ESRRB: variants seen among roughly 807,000 people sequenced by gnomAD.
ESRRB encodes the protein steroid hormone receptor ERR2.
ESRRB carries 16 observed loss-of-function variants against 46.0 expected under a neutral mutation model. The observed-to-expected ratio is 0.35, with a 90% CI of 0.24 to 0.53. ESRRB has a LOEUF of 0.53. Ranked by LOEUF, ESRRB falls within the 20% of genes least tolerant of loss-of-function variation. The pLI is 0.93. For missense variants in ESRRB, 488 were observed against 607.4 expected (o/e 0.80, Z 2.07); for synonymous variants, 246 against 259.6 (o/e 0.95, Z 0.50).
chr14:76,374,787 G>A (rs1171350781), upstream of ESRRB, among the ~76,000 whole-genome samples: 1 of 152,176 alleles, frequency 6.6e-6, no homozygotes, highest in Non-Finnish European at 1.5e-5. Context: ...TCTGTGAGAT[G>A]CCTTCCTGAG....
intron 2 of ESRRB, among the ~76,000 whole-genome samples, chr14:76,441,571 G>T (rs916956457): frequency 6.6e-6 from 1 of 152,190 alleles, no homozygotes; most frequent in Non-Finnish European, 1.5e-5. Flanking sequence ...GCCCACTTTG[G>T]CCTCCCAAAG....
At chr14:76,471,906 G>T (rs1889387458) in intron 3 of ESRRB, among the ~76,000 whole-genome samples, 2 of 152,210 alleles carry the variant, frequency 1.3e-5, no homozygotes, top group African/African-American at 4.8e-5. Context: ...TCTGGGATCA[G>T]CAGGTAAGAG....
chr14:76,407,543 G>A, intron 1 of ESRRB: 10 of 985,574 alleles, frequency 1.0e-5, no homozygotes, highest in Non-Finnish European at 1.2e-5. Context: ...TTCTGTTTAG[G>A]CCAGAGGTGA....
chr14:76,434,864 C>T (rs1887605748), intron 1 of ESRRB, among the ~76,000 whole-genome samples: 1 of 152,108 alleles, frequency 6.6e-6, no homozygotes, highest in South Asian at 2.1e-4. Flanking sequence ...CAGTCAGGTT[C>T]GGACTGCAGC....
At chr14:76,324,389 G>T (rs1883903227) in intron 1 of ESRRB, among the ~76,000 whole-genome samples, 1 of 152,160 alleles carries the variant, frequency 6.6e-6, no homozygotes, top group African/African-American at 2.4e-5. Flanking sequence ...GAAGGCTGCA[G>T]CTGTTAGCAG....
chr14:76,354,818 T>C (rs573580597), intron 1 of ESRRB, among the ~76,000 whole-genome samples: 9 of 151,188 alleles, frequency 6.0e-5, no homozygotes, highest in Admixed American at 5.3e-4. Flanking sequence ...CAAGAGATTC[T>C]CCTGCCTCAG....
At chr14:76,310,914 C>T (rs72729677) in exon 1 of ESRRB, 52,007 of 453,296 alleles carry the variant, frequency 0.11, 3,598 homozygotes, top group East Asian at 0.22. Context: ...CAGCCCCAAG[C>T]ATGTGAGTAA....
intron 1 of ESRRB, among the ~76,000 whole-genome samples, chr14:76,403,054 G>C (rs1437801806): frequency 6.6e-6 from 1 of 152,126 alleles, no homozygotes; most frequent in Non-Finnish European, 1.5e-5. Context: ...GCTTCCCAAA[G>C]TGCTGGAATT....
In ESRRB at chr14:76,329,264, C is replaced by G. The variant is rs55643833; in HGVS notation, c.2+18348C>G. 1.5e-4 allele frequency among the ~76,000 whole-genome samples: 23 copies of G among 152,160 alleles called. No individual in the cohort carries two copies. The South Asian group carries it at 1.9e-3, about 12-fold the overall frequency. ...CCCAGCCCTAGAATAAATAAATAAT[C>G]GAGTCAATCTCAGGTTTAACTCCCT... On this transcript the variant is annotated intron_variant, in intron 1 of 6. Transcript: ENST00000512784.
chr14:76,342,651 C>T (rs565910156), intron 1 of ESRRB, among the ~76,000 whole-genome samples: 9 of 152,170 alleles, frequency 5.9e-5, no homozygotes, highest in East Asian at 1.9e-4. Context: ...GAATTTGGTC[C>T]GCATGAGCTT....
intron 2 of ESRRB, among the ~76,000 whole-genome samples, chr14:76,459,912 G>T (rs1888781673): frequency 6.6e-6 from 1 of 151,982 alleles, no homozygotes; most frequent in Non-Finnish European, 1.5e-5. Flanking sequence ...AGGGAGAGGG[G>T]GAGAGAGGGA....
chr14:76,489,990 C>A (rs778682622), intron 5 of ESRRB, among the ~76,000 whole-genome samples: 2 of 152,224 alleles, frequency 1.3e-5, no homozygotes, highest in Non-Finnish European at 2.9e-5. Context: ...AGGTGCCCAG[C>A]ACTGTACATG....
intron 1 of ESRRB, among the ~76,000 whole-genome samples, chr14:76,359,891 A>G (rs1884442529): frequency 6.6e-6 from 1 of 152,216 alleles, no homozygotes; most frequent in Non-Finnish European, 1.5e-5. Flanking sequence ...CAACTGACAC[A>G]GCAGAAGCCC....
intron 1 of ESRRB, among the ~76,000 whole-genome samples, chr14:76,433,267 G>GTCTTCAGCCTTTT (rs1887532286): frequency 6.6e-6 from 1 of 152,140 alleles, no homozygotes; most frequent in Non-Finnish European, 1.5e-5. Flanking sequence ...CGTATTTTGT[G>GTCTTCAGCCTTTT]TCTTCAGCCT....
Position 76,432,313 on chromosome 14 carries a change from C to T in ESRRB, c.51-7028C>T, listed in dbSNP as rs541050298. On this transcript the variant is annotated intron_variant, in intron 1 of 6. Transcript: ENST00000644823. ...ACTCAGCCCCAGATGTTAGTAGTGC[C>T]GAGGATGGAAGCCTAGGTCTCAGCT... Among the ~76,000 whole-genome samples the T allele has an allele frequency of 1.7e-4, 26 of 152,322 alleles. No individual in the cohort carries two copies. The East Asian group carries it at 3.5e-3, about 20-fold the overall frequency.
chr14:76,345,604 C>G (rs1884240073), intron 1 of ESRRB, among the ~76,000 whole-genome samples: 1 of 152,216 alleles, frequency 6.6e-6, no homozygotes, highest in African/African-American at 2.4e-5. Context: ...GGAATGTACA[C>G]TAGTACAGCC....
rs576940797 is a variant in ESRRB at position 76,462,622 on chromosome 14, C to T, written c.538C>T (p.Arg180Cys). 2.5e-6 allele frequency: 4 copies of T among 1,614,046 alleles called. No homozygotes were observed. In the African/African-American group the frequency reaches 4.0e-5, roughly 16 times the overall value. The change falls in exon 3 of 7, where the codon CGC becomes TGC. Residue 180 changes from arginine to cysteine, a missense_variant. Arg to Cys is a radical substitution (Grantham distance 180). Coordinates refer to ENST00000644823, the MANE Select transcript of ESRRB (RefSeq NM_001379180.1). The part of the protein sequence containing the change: ...KRRRKSCQAC[R>C]FMKCLKVGML... ...GAGGCGCAAGTCCTGCCAGGCCTGC[C>T]GCTTCATGAAATGCCTCAAAGTGGG... is the stretch of plus-strand genomic sequence containing the variant.
chr14:76,445,396 G>A (rs533641694), intron 2 of ESRRB, among the ~76,000 whole-genome samples: 14 of 149,766 alleles, frequency 9.3e-5, no homozygotes, highest in African/African-American at 2.2e-4. Flanking sequence ...GCTTGAACCC[G>A]GGAGGCAGAG....
chr14:76,377,039 G>T (rs1884798392), intron 1 of ESRRB, among the ~76,000 whole-genome samples: 1 of 152,220 alleles, frequency 6.6e-6, no homozygotes, highest in Non-Finnish European at 1.5e-5. Flanking sequence ...GGCGCCCGGG[G>T]GATGCGGGCC....
Sources: allele counts gnomAD v4.1 joint callset (sites outside exome capture counted in the v4.1 genomes callset), GRCh38; gene constraint gnomAD v4.1.1; transcripts MANE v1.5; gene names NCBI Gene and HGNC (gene_info 2026-07-23, HGNC 2026-07-21).